The following RAB43 variants were observed in gnomAD, a reference collection of about 807,000 sequenced individuals.
RAB43 encodes RAB43, member RAS oncogene family, also known as ras-related protein Rab-43.
A neutral mutation model predicts 18.8 loss-of-function variants in RAB43; 6 were observed. That is an observed-to-expected ratio of 0.32 (90% CI 0.17 to 0.63). The LOEUF (loss-of-function observed/expected upper bound fraction) is 0.63, where lower values mean the gene tolerates loss of function less well. Ranked by LOEUF, RAB43 falls within the 30% of genes least tolerant of loss-of-function variation. The pLI, the probability that RAB43 is intolerant of heterozygous loss-of-function variation, is 0.79. For synonymous variants in RAB43, 103 were observed against 124.1 expected, an observed-to-expected ratio of 0.83 and a Z score of 1.13; for missense variants, 195 against 289.1, an observed-to-expected ratio of 0.67 and a Z score of 2.36.
intron 1 of RAB43, among the ~76,000 whole-genome samples, chr3:129,116,024 C>T (rs868014653): frequency 1.3e-5 from 2 of 152,092 alleles, no homozygotes; most frequent in Non-Finnish European, 2.9e-5. Context: ...GGCCCCAAAG[C>T]GCAGGAATAG....
chr3:129,095,646 C>A lies in RAB43; in HGVS notation c.205-477G>T, dbSNP rs906283538. The stretch of plus-strand genomic sequence containing the variant: ...GCATTAGGGTTCCCTCAGGACTCTA[C>A]AGCTTGGTGATGAGGACTGTGGGAA... On this transcript the variant is annotated intron_variant, in intron 1 of 2. Coordinates refer to ENST00000315150, the MANE Select transcript of RAB43 (RefSeq NM_198490.3). The surrounding 1 kb of genome is among the most constrained non-coding windows in gnomAD (Gnocchi z 4.2). Among the ~76,000 whole-genome samples the A allele has an allele frequency of 6.6e-6, 1 of 152,204 alleles. No individual in the cohort carries two copies. Among genetic ancestry groups the A allele is most frequent in the Non-Finnish European group, 1.5e-5 (1 of 68,030 alleles).
rs111494827 is a variant in RAB43 at position 129,095,194 on chromosome 3, A to G, written c.205-25T>C. On this transcript the variant is annotated intron_variant, in intron 1 of 2. Coordinates refer to ENST00000315150, the MANE Select transcript of RAB43 (RefSeq NM_198490.3). The surrounding 1 kb of genome is among the most constrained non-coding windows in gnomAD (Gnocchi z 4.2). ...GCTAAAGAAATAAGGTTCCTCAGTG[A>G]ACCCAGTGGCACAGGCTGAACATGG... 7.5e-6 allele frequency: 12 copies of G among 1,606,972 alleles called. No individual in the cohort carries two copies. In the African/African-American group the frequency reaches 1.1e-4, roughly 14 times the overall value.
At chr3:129,106,624 A>C (rs1934800158) in intron 1 of RAB43, among the ~76,000 whole-genome samples, 1 of 152,246 alleles carries the variant, frequency 6.6e-6, no homozygotes. Flanking sequence ...AGCAAGGACA[A>C]GAAAGGTAAG....
At chr3:129,093,039 G>A (rs1933784909) in intron 2 of RAB43, among the ~76,000 whole-genome samples, 1 of 151,948 alleles carries the variant, frequency 6.6e-6, no homozygotes, top group Non-Finnish European at 1.5e-5. Context: ...CGCATAGGCT[G>A]GAGGACAGTG....
At chr3:129,109,266 C>T (rs1366196661) in intron 1 of RAB43, among the ~76,000 whole-genome samples, 3 of 151,860 alleles carry the variant, frequency 2.0e-5, no homozygotes, top group South Asian at 2.1e-4. Flanking sequence ...AAAAATTAGC[C>T]GGGCGTGGTG....
At chr3:129,109,890 G>T (rs932055351) in intron 1 of RAB43, among the ~76,000 whole-genome samples, 7 of 151,230 alleles carry the variant, frequency 4.6e-5, no homozygotes, top group African/African-American at 1.7e-4. Flanking sequence ...TGTGAGACAG[G>T]CTCTCACTCT....
intron 1 of RAB43, among the ~76,000 whole-genome samples, chr3:129,099,031 C>T (rs1342057794): frequency 1.3e-5 from 2 of 151,968 alleles, no homozygotes; most frequent in Non-Finnish European, 2.9e-5. Context: ...CCAGATCACG[C>T]TACTGCACTC....
intron 1 of RAB43, among the ~76,000 whole-genome samples, chr3:129,104,751 T>C (rs1273824006): frequency 6.6e-6 from 1 of 152,174 alleles, no homozygotes; most frequent in Non-Finnish European, 1.5e-5. Flanking sequence ...TAAACATAAC[T>C]CCCAGCTTAT....
intron 1 of RAB43, among the ~76,000 whole-genome samples, chr3:129,099,756 A>G (rs1934301947): frequency 6.6e-6 from 1 of 152,250 alleles, no homozygotes; most frequent in Non-Finnish European, 1.5e-5. Context: ...TCACTGGATG[A>G]ACTTAATAGC....
At chr3:129,097,555 T>C (rs1394236213) in intron 1 of RAB43, among the ~76,000 whole-genome samples, 1 of 151,670 alleles carries the variant, frequency 6.6e-6, no homozygotes, top group Non-Finnish European at 1.5e-5. Context: ...CCTAAAGAAA[T>C]CAACAAAAAA....
intron 1 of RAB43, among the ~76,000 whole-genome samples, chr3:129,105,197 C>A (rs1384334997): frequency 6.6e-6 from 1 of 152,172 alleles, no homozygotes; most frequent in Non-Finnish European, 1.5e-5. Context: ...ACAAAACAGG[C>A]TTTAGGCCAG....
chr3:129,094,509 T>C (rs897608990), intron 2 of RAB43, among the ~76,000 whole-genome samples: 1 of 96,456 alleles, frequency 1.0e-5, no homozygotes, highest in African/African-American at 4.6e-5. Context: ...AACTTTCTTT[T>C]TTTTTTTTTT....
chr3:129,091,983 G>T (rs150904275), intron 2 of RAB43, among the ~76,000 whole-genome samples: 1 of 151,248 alleles, frequency 6.6e-6, no homozygotes, highest in East Asian at 1.9e-4. Context: ...AGGCAGGAGT[G>T]GCAAGCGGAG....
intron 1 of RAB43, among the ~76,000 whole-genome samples, chr3:129,109,700 C>T (rs1352569716): frequency 6.6e-6 from 1 of 151,204 alleles, no homozygotes; most frequent in Non-Finnish European, 1.5e-5. Flanking sequence ...CGAGATCGCA[C>T]CACTGCACTC....
intron 2 of RAB43, among the ~76,000 whole-genome samples, chr3:129,093,394 G>A (rs781243035): frequency 2.6e-5 from 4 of 152,094 alleles, no homozygotes; most frequent in Non-Finnish European, 5.9e-5. Flanking sequence ...GGTGGATCAC[G>A]AGGTCAGGAG....
At chr3:129,100,492 AATCCTTGTAG>A (rs1279232684) in intron 1 of RAB43, among the ~76,000 whole-genome samples, 1 of 152,218 alleles carries the variant, frequency 6.6e-6, no homozygotes, top group African/African-American at 2.4e-5. Context: ...TTCTGCTACC[AATCCTTGTAG>A]AACCAAATGA....
At chr3:129,109,557 T>C (rs1400249841) in intron 1 of RAB43, among the ~76,000 whole-genome samples, 3 of 148,378 alleles carry the variant, frequency 2.0e-5, no homozygotes, top group African/African-American at 7.5e-5. Context: ...GCCAACAGAG[T>C]GAAACCCCGT....
chr3:129,091,094 G>A lies in RAB43; in HGVS notation c.*2C>T. On this transcript the variant is annotated 3_prime_UTR_variant, in exon 3 of 3. Coordinates refer to ENST00000315150, the MANE Select transcript of RAB43 (RefSeq NM_198490.3). Reference sequence around the variant, plus strand: ...CCCCCAGTCTGCCGGCCCGGCCCCTGGTCAGCACCCGCAGCCCCAGCCTTC... The same window carrying A: ...CCCCCAGTCTGCCGGCCCGGCCCCTAGTCAGCACCCGCAGCCCCAGCCTTC... The A allele has an allele frequency of 1.9e-6, 3 of 1,607,170 alleles. No individual in the cohort carries two copies. Among genetic ancestry groups the A allele is most frequent in the Non-Finnish European group, 2.5e-6 (3 of 1,178,368 alleles).
At chr3:129,096,525 G>A (rs1412091764) in intron 1 of RAB43, among the ~76,000 whole-genome samples, 1 of 152,088 alleles carries the variant, frequency 6.6e-6, no homozygotes, top group South Asian at 2.1e-4. Context: ...GAGATAACTC[G>A]TCTCCACACA....
Sources: gnomAD v4.1 joint callset for allele counts (sites outside exome capture counted in the v4.1 genomes callset) on GRCh38, gnomAD v4.1.1 for gene constraint, Gnocchi (gnomAD v3.1) non-coding constraint, MANE v1.5 for transcripts, NCBI Gene and HGNC (gene_info 2026-07-23, HGNC 2026-07-21) for gene names.